The following OGDH variants were observed in gnomAD, a reference collection of about 807,000 sequenced individuals.
OGDH encodes the protein oxoglutarate dehydrogenase.
OGDH carries 38 observed loss-of-function variants against 116.6 expected under a neutral mutation model. That is an observed-to-expected ratio of 0.33 (90% CI 0.25 to 0.43). The LOEUF is 0.43. Among genes scored for constraint, OGDH ranks in the 20% least tolerant of loss-of-function variants. The pLI is 1.00. For missense variants in OGDH, 825 were observed against 1,357.2 expected (o/e 0.61, Z 6.16); for synonymous variants, 488 against 533.3 (o/e 0.92, Z 1.17).
intron 13 of OGDH, 135 bp downstream of exon 13, chr7:44,696,262 C>A (rs980948117): frequency 1.9e-6 from 2 of 1,026,726 alleles, no homozygotes; most frequent in African/African-American, 1.6e-5. Flanking sequence ...TCAGCAAAGC[C>A]CCCTGCAGAC....
chr7:44,687,408 A>G (rs1788180140), intron 10 of OGDH, among the ~76,000 whole-genome samples: 1 of 150,184 alleles, frequency 6.7e-6, no homozygotes, highest in Non-Finnish European at 1.5e-5. Flanking sequence ...AAAAAAAAAG[A>G]AATTTTTTTT....
intron 9 of OGDH, among the ~76,000 whole-genome samples, chr7:44,680,333 A>G (rs1270432414): frequency 6.6e-6 from 1 of 152,192 alleles, no homozygotes; most frequent in Non-Finnish European, 1.5e-5. Flanking sequence ...TTAAAGAGGT[A>G]TAGGCTGTGT....
chr7:44,706,066 C>G (rs1789056891), intron 20 of OGDH, among the ~76,000 whole-genome samples: 1 of 152,092 alleles, frequency 6.6e-6, no homozygotes, highest in Non-Finnish European at 1.5e-5. Flanking sequence ...CCAAAGCCTC[C>G]CAAGTAGCTG....
At chr7:44,641,391 A>G (rs1404411015) in intron 2 of OGDH, among the ~76,000 whole-genome samples, 1 of 151,230 alleles carries the variant, frequency 6.6e-6, no homozygotes, top group East Asian at 1.9e-4. Context: ...ACACCCAGCT[A>G]ATTTTTGTAT....
At chr7:44,647,615 CT>C (rs1203668655) in intron 3 of OGDH, 41 bp from the exon 4 acceptor site, 1 of 1,588,434 alleles carries the variant, frequency 6.3e-7, no homozygotes, top group Non-Finnish European at 8.6e-7. Context: ...TTCTTCTGTC[CT>C]TTTGTGTGTG....
At chr7:44,698,057 G>A in intron 17 of OGDH, 135 bp from the exon 18 acceptor site, 1 of 1,020,876 alleles carries the variant, frequency 9.8e-7, no homozygotes, top group Non-Finnish European at 1.5e-6. Context: ...GCTGGTGGGA[G>A]GGGGAAGGAA....
At chr7:44,703,609 A>G (rs1788938593) in intron 20 of OGDH, among the ~76,000 whole-genome samples, 1 of 151,808 alleles carries the variant, frequency 6.6e-6, no homozygotes, top group Non-Finnish European at 1.5e-5. Context: ...AATCCCAGCT[A>G]CTCAGGATGC....
chr7:44,640,838 A>C (rs992180331), intron 2 of OGDH, among the ~76,000 whole-genome samples: 1 of 151,690 alleles, frequency 6.6e-6, no homozygotes, highest in South Asian at 2.1e-4. Flanking sequence ...GAGGGTAGAC[A>C]TTCTAGCACT....
At chr7:44,679,934 G>A (rs1240856797) in intron 9 of OGDH, among the ~76,000 whole-genome samples, 1 of 152,154 alleles carries the variant, frequency 6.6e-6, no homozygotes, top group Non-Finnish European at 1.5e-5. Context: ...TTCTCGGCCA[G>A]GCACGATGAC....
chr7:44,673,999 CTG>C (rs1456058517), intron 6 of OGDH, 58 bp downstream of exon 6: 1 of 1,601,960 alleles, frequency 6.2e-7, no homozygotes, highest in Non-Finnish European at 8.5e-7. Flanking sequence ...GTGACCCTGT[CTG>C]TGTTGATCGG....
chr7:44,651,538 T>TG (rs1171333790), intron 4 of OGDH, among the ~76,000 whole-genome samples: 1 of 152,184 alleles, frequency 6.6e-6, no homozygotes, highest in African/African-American at 2.4e-5. Flanking sequence ...TAAAAAATAT[T>TG]GTTGAGATGG....
intron 7 of OGDH, chr7:44,674,892 A>C: frequency 1.8e-6 from 1 of 542,610 alleles, no homozygotes; most frequent in South Asian, 2.1e-5. Flanking sequence ...GGGGAGGCCA[A>C]GACTGTGAAA....
chr7:44,699,018 C>T (rs1447084257), intron 18 of OGDH, among the ~76,000 whole-genome samples: 2 of 151,808 alleles, frequency 1.3e-5, no homozygotes, highest in Non-Finnish European at 2.9e-5. Flanking sequence ...GTGGCGCCCA[C>T]CTGTAATCCC....
intron 13 of OGDH, 40 bp from the exon 14 acceptor site, chr7:44,696,389 T>C: frequency 1.3e-6 from 2 of 1,596,256 alleles, no homozygotes. Flanking sequence ...CCTGGAAAAG[T>C]AGAGCAGATG....
At chr7:44,641,479 G>A (rs540247496) in intron 2 of OGDH, among the ~76,000 whole-genome samples, 5 of 152,144 alleles carry the variant, frequency 3.3e-5, no homozygotes, top group African/African-American at 1.2e-4. Flanking sequence ...ACCCACCTTG[G>A]CCTCCCAAAG....
intron 20 of OGDH, among the ~76,000 whole-genome samples, chr7:44,706,729 T>C (rs1789094636): frequency 6.7e-6 from 1 of 149,850 alleles, no homozygotes; most frequent in African/African-American, 2.5e-5. Flanking sequence ...CAACCGATTC[T>C]TCCACCTCAG....
Position 44,694,593 on chromosome 7 carries a change from C to G in OGDH, c.1668+17C>G, listed in dbSNP as rs1410293395. 1.2e-6 allele frequency: 2 copies of G among 1,612,488 alleles called. No individual in the cohort carries two copies. The highest frequency in any genetic ancestry group is 1.1e-5 in the South Asian group (1 of 91,068). Reference sequence around the variant, plus strand: ...GAGTATGAGGTACGTCCCTGCGGCTCTATCCCAGTGCGCCTTTCCAGGGCT... The same window carrying G: ...GAGTATGAGGTACGTCCCTGCGGCTGTATCCCAGTGCGCCTTTCCAGGGCT... On this transcript the variant is annotated intron_variant, in intron 12 of 22. Transcript: ENST00000222673. The surrounding 1 kb of genome is among the most constrained non-coding windows in gnomAD (Gnocchi z 4.2).
chr7:44,676,212 C>T (rs769056053), intron 9 of OGDH, 63 bp downstream of exon 9: 18 of 1,613,352 alleles, frequency 1.1e-5, no homozygotes, highest in Admixed American at 3.3e-5. Flanking sequence ...GCATGGAGTT[C>T]CGCTCACCAA....
chr7:44,685,346 T>C (rs1440471390), intron 10 of OGDH, among the ~76,000 whole-genome samples: 1 of 152,188 alleles, frequency 6.6e-6, no homozygotes, highest in Non-Finnish European at 1.5e-5. Context: ...CTCTAAGGAC[T>C]TCATATAAAT....
Sources: allele counts gnomAD v4.1 joint callset (sites outside exome capture counted in the v4.1 genomes callset), GRCh38; gene constraint gnomAD v4.1.1; non-coding constraint Gnocchi (gnomAD v3.1); transcripts MANE v1.5; gene names NCBI Gene and HGNC (gene_info 2026-07-23, HGNC 2026-07-21).